Variants in ULBP2 observed in about 807,000 individuals in gnomAD.
ULBP2 encodes the protein UL16-binding protein 2.
Under a neutral mutation model 23.6 loss-of-function variants are expected in ULBP2, and 21 were observed. That is an observed-to-expected ratio of 0.89 (90% CI 0.63 to 1.28). ULBP2 has a LOEUF of 1.28. ULBP2 is among the 50% of genes most tolerant of loss of function. The pLI is 0.00. For synonymous variants in ULBP2, 82 were observed against 112.8 expected (o/e 0.73, Z 1.73); for missense variants, 251 against 306.0 (o/e 0.82, Z 1.34).
intron 1 of ULBP2, among the ~76,000 whole-genome samples, chr6:149,943,171 G>A (rs971833753): frequency 1.1e-4 from 16 of 152,194 alleles, no homozygotes; most frequent in African/African-American, 3.4e-4. Context: ...TTCAAATAGG[G>A]GGGACCAGAT....
intron 4 of ULBP2, among the ~76,000 whole-genome samples, chr6:149,947,834 T>C (rs964857467): frequency 2.0e-5 from 3 of 151,676 alleles, no homozygotes; most frequent in Admixed American, 6.6e-5. Flanking sequence ...GTTAGGTGCA[T>C]CATGGTAGCT....
At position 149,948,835 on chromosome 6, in the gene ULBP2, A is replaced by T; in HGVS notation, c.*135A>T. On this transcript the variant is annotated 3_prime_UTR_variant, in exon 5 of 5. Coordinates refer to ENST00000367351, the MANE Select transcript of ULBP2 (RefSeq NM_025217.4). ...TATGTCCAGTGGCCTCCAGCAGATCATGATGACATCATGGACCCAATAGCT... is the reference window on the plus strand; with the variant it reads ...TATGTCCAGTGGCCTCCAGCAGATCTTGATGACATCATGGACCCAATAGCT... 1 of 454,110 alleles carries T rather than the reference A, an allele frequency of 2.2e-6. No individual in the cohort carries two copies. The highest frequency in any genetic ancestry group is 4.4e-6 in the Non-Finnish European group (1 of 225,666). The allele number at this position is 454,110 out of a possible 1,614,324, so 28.1% of individuals were successfully genotyped here.
chr6:149,947,606 A>G (rs1778962828), intron 4 of ULBP2, among the ~76,000 whole-genome samples, 155 bp downstream of exon 4: 1 of 151,846 alleles, frequency 6.6e-6, no homozygotes, highest in African/African-American at 2.4e-5. Context: ...GCCTGTTGGC[A>G]ATGTTGGCAA....
Position 149,948,831 on chromosome 6 carries a change from G to A in ULBP2, c.*131G>A. 4 of 453,884 alleles carry A rather than the reference G, an allele frequency of 8.8e-6. No homozygotes were observed. The highest frequency in any genetic ancestry group is 4.7e-5 in the South Asian group (3 of 64,110). 28.1% of individuals were successfully genotyped at this position (453,884 alleles called of 1,614,324 possible). ...GGTGTATGTCCAGTGGCCTCCAGCA[G>A]ATCATGATGACATCATGGACCCAAT... On this transcript the variant is annotated 3_prime_UTR_variant, in exon 5 of 5. Transcript: ENST00000367351.
At chr6:149,948,058 A>G (rs1778970006) in intron 4 of ULBP2, among the ~76,000 whole-genome samples, 1 of 152,236 alleles carries the variant, frequency 6.6e-6, no homozygotes, top group African/African-American at 2.4e-5. Flanking sequence ...ATTTTTAAAA[A>G]GTCAGTCCCA....
intron 1 of ULBP2, among the ~76,000 whole-genome samples, 191 bp from the exon 2 acceptor site, chr6:149,945,118 C>G (rs1469788428): frequency 3.8e-4 from 57 of 151,402 alleles, no homozygotes; most frequent in Middle Eastern, 3.4e-3. Flanking sequence ...CTTCCTCCTC[C>G]TCCTCCTCCT....
At chr6:149,946,024 C>T (rs1209350815) in intron 2 of ULBP2, among the ~76,000 whole-genome samples, 2 of 150,464 alleles carry the variant, frequency 1.3e-5, no homozygotes, top group African/African-American at 2.5e-5. Flanking sequence ...AGGCGGATCA[C>T]GAGGTTAAGA....
intron 4 of ULBP2, among the ~76,000 whole-genome samples, chr6:149,947,903 G>A (rs1406331383): frequency 7.7e-3 from 1,153 of 149,264 alleles, no homozygotes; most frequent in Middle Eastern, 0.026. Context: ...AGAGATCTGG[G>A]TGTAATCCCA....
chr6:149,944,863 T>C (rs1486096192), intron 1 of ULBP2, among the ~76,000 whole-genome samples: 1 of 136,730 alleles, frequency 7.3e-6, no homozygotes, highest in Non-Finnish European at 1.5e-5. Context: ...AACTCTTCTT[T>C]ATCCAACGGG....
chr6:149,948,655 A>T, intron 4 of ULBP2, 68 bp from the exon 5 acceptor site: 2 of 456,692 alleles, frequency 4.4e-6, no homozygotes. Flanking sequence ...GTGACTAGGG[A>T]AAGATTACCC....
At chr6:149,943,573 T>C (rs913784573) in intron 1 of ULBP2, among the ~76,000 whole-genome samples, 2 of 152,178 alleles carry the variant, frequency 1.3e-5, no homozygotes, top group African/African-American at 4.8e-5. Context: ...GTCTTCTCAC[T>C]GCTGGGCCTA....
intron 1 of ULBP2, among the ~76,000 whole-genome samples, chr6:149,944,436 C>T (rs1778905923): frequency 6.8e-6 from 1 of 146,814 alleles, no homozygotes; most frequent in African/African-American, 2.6e-5. Context: ...ACAGCCTCCA[C>T]CTGGAATTTG....
At chr6:149,942,341 C>T (rs1268867428) in intron 1 of ULBP2, among the ~76,000 whole-genome samples, 184 bp downstream of exon 1, 1 of 152,134 alleles carries the variant, frequency 6.6e-6, no homozygotes, top group Non-Finnish European at 1.5e-5. Context: ...TGCTTCTTGC[C>T]CGGGAAGAGG....
chr6:149,945,876 C>T lies in ULBP2; in HGVS notation c.349+304C>T, dbSNP rs562006717. ...GGATCCCTTGAACCCGGCAGGCAGA[C>T]GCTGCAGTGAGCCGAGGTGGTGCCA... On this transcript the variant is annotated intron_variant, in intron 2 of 4. Transcript: ENST00000367351. Among the ~76,000 whole-genome samples the T allele has an allele frequency of 4.0e-3, 589 of 148,066 alleles. 4 individuals carry two copies. Among genetic ancestry groups the T allele is most frequent in the African/African-American group, 0.014 (563 of 39,596 alleles).
chr6:149,945,442 T>G lies in ULBP2; in HGVS notation c.219T>G (p.Pro73=), dbSNP rs1555697. ...ACTGTGGCAACAAGACAGTCACACC[T>G]GTCAGTCCCCTGGGGAAGAAACTAA... ...HYDCGNKTVT[P]VSPLGKKLNV... is the part of the protein sequence containing the mutation. Residue 73 remains proline, a synonymous_variant, in exon 2 of 5, where the codon CCT becomes CCG. Coordinates refer to ENST00000367351, the MANE Select transcript of ULBP2 (RefSeq NM_025217.4). 3.9e-6 allele frequency: 6 copies of G among 1,545,334 alleles called. No homozygotes were observed. The Admixed American group carries it at 5.3e-5, about 14-fold the overall frequency.
Position 149,942,131 on chromosome 6 carries a change from C to A in ULBP2, c.59C>A (p.Ser20Tyr). Residue 20 changes from serine to tyrosine, a missense_variant, in exon 1 of 5, where the codon TCC (serine) becomes TAC (tyrosine). This residue lies in a region of ULBP2 where 248 missense variants were observed against 258.9 expected (regional missense o/e 0.96). Coordinates refer to ENST00000367351, the MANE Select transcript of ULBP2 (RefSeq NM_025217.4). Reference sequence around the variant, plus strand: ...TGCCTCCCGCTTCTGCTCCTGCTGTCCGGCTGGTCCCGGGCTGGGCGAGCC... The same window carrying A: ...TGCCTCCCGCTTCTGCTCCTGCTGTACGGCTGGTCCCGGGCTGGGCGAGCC... ...LLCLPLLLLLSGWSRAGRADP... is the reference protein window; with the variant it reads ...LLCLPLLLLLYGWSRAGRADP... 6.2e-7 allele frequency: 1 copy of A among 1,611,042 alleles called. No homozygotes were observed. Among genetic ancestry groups the A allele is most frequent in the Non-Finnish European group, 8.5e-7 (1 of 1,179,098 alleles).
chr6:149,946,041 G>A (rs1384579101), intron 2 of ULBP2, among the ~76,000 whole-genome samples: 2 of 151,434 alleles, frequency 1.3e-5, no homozygotes, highest in Non-Finnish European at 2.9e-5. Context: ...AAGAGATCGA[G>A]ACCATCCTGG....
At chr6:149,944,049 G>A (rs1210858078) in intron 1 of ULBP2, among the ~76,000 whole-genome samples, 3 of 151,928 alleles carry the variant, frequency 2.0e-5, no homozygotes, top group South Asian at 2.1e-4. Context: ...AACTCTACTG[G>A]CCATAAATAT....
rs57354290 is a variant in ULBP2, at chr6:149,945,940, C to CAAAA, written c.349+386_349+389dup. Among the ~76,000 whole-genome samples, 179 of 72,598 alleles carry CAAAA rather than the reference C, an allele frequency of 2.5e-3. 1 individual carries two copies. The highest frequency in any genetic ancestry group is 6.1e-3 in the African/African-American group (100 of 16,490). 47.6% of individuals were successfully genotyped at this position (72,598 alleles called of 152,430 possible). ...TGGGCAACAGAGTGAGACTTTGTCT[C>CAAAA]AAAAAAAAAAAAAAAAAAAAAGCCA... On this transcript the variant is annotated intron_variant, in intron 2 of 4. Transcript: ENST00000367351.
Sources: allele counts gnomAD v4.1 joint callset (sites outside exome capture counted in the v4.1 genomes callset), GRCh38; gene constraint gnomAD v4.1.1; regional missense constraint gnomAD v4.1.1; transcripts MANE v1.5; gene names NCBI Gene and HGNC (gene_info 2026-07-23, HGNC 2026-07-21).